NFXL1: variants seen among roughly 807,000 people sequenced by gnomAD.
NFXL1 encodes the protein nuclear transcription factor, X-box binding like 1, also known as NF-X1-type zinc finger protein NFXL1.
Under a neutral mutation model 123.3 loss-of-function variants are expected in NFXL1, and 66 were observed. The observed-to-expected ratio is 0.54, with a 90% CI of 0.44 to 0.66. NFXL1 has a LOEUF of 0.66. Among genes scored for constraint, NFXL1 ranks in the 30% least tolerant of loss-of-function variants. The pLI is 0.00. For synonymous variants in NFXL1, 346 were observed against 360.8 expected (o/e 0.96, Z 0.46); for missense variants, 944 against 1,125.6 (o/e 0.84, Z 2.31).
intron 11 of NFXL1, 42 bp from the exon 12 acceptor site, chr4:47,890,745 C>T (rs761540451): frequency 1.8e-6 from 2 of 1,139,462 alleles, no homozygotes; most frequent in Non-Finnish European, 2.7e-6. Context: ...AATTCAAAAA[C>T]CCATGAATAA....
chr4:47,878,469 G>GA (rs1735885655), intron 17 of NFXL1, 56 bp downstream of exon 17: 16 of 1,333,996 alleles, frequency 1.2e-5, no homozygotes, highest in Admixed American at 5.1e-5. Context: ...TATAACTGTT[G>GA]AAAAAACGTT....
intron 12 of NFXL1, among the ~76,000 whole-genome samples, chr4:47,889,682 A>G (rs537783394): frequency 2.1e-4 from 32 of 152,318 alleles, no homozygotes; most frequent in South Asian, 2.1e-3. Flanking sequence ...ACTGTATACC[A>G]TATCTCAGTA....
chr4:47,895,969 T>C (rs1399770680), intron 10 of NFXL1, among the ~76,000 whole-genome samples: 1 of 152,164 alleles, frequency 6.6e-6, no homozygotes, highest in Non-Finnish European at 1.5e-5. Flanking sequence ...TGGCCTAATT[T>C]CAATATTGTT....
rs190187555 is a variant in NFXL1, at chr4:47,864,722, G to A, written c.2247-1807C>T. Among the ~76,000 whole-genome samples, 86 of 152,314 alleles carry A rather than the reference G, an allele frequency of 5.6e-4. 1 individual carries two copies. The highest frequency in any genetic ancestry group is 3.5e-3 in the Admixed American group (53 of 15,304). ...AGCTGAACACAGAGGTTCCTGGAGGGTGGCATGCAAATGGTGGGGCAGGGG... is the reference window on the plus strand; with the variant it reads ...AGCTGAACACAGAGGTTCCTGGAGGATGGCATGCAAATGGTGGGGCAGGGG... On this transcript the variant is annotated intron_variant, in intron 18 of 22. Coordinates refer to ENST00000507489, the MANE Select transcript of NFXL1 (RefSeq NM_001278624.2).
At position 47,905,346 on chromosome 4, in the gene NFXL1, T is replaced by C. The variant is rs1422319215; in HGVS notation, c.407A>G (p.Asp136Gly). ...NTFITYTTQTDGDTRELERTK... is the reference protein window; with the variant it reads ...NTFITYTTQTGGDTRELERTK... ...TCGCTCTAATTCACGTGTATCTCCA[T>C]CTGGAAATTTAAAGATTGAAAATCT... The change falls in exon 4 of 23, where the codon GAT (aspartate) becomes GGT (glycine). Residue 136 changes from aspartate to glycine, a missense_variant and splice_region_variant. By Grantham distance (94) the Asp-to-Gly change is moderately conservative. This residue lies in a region of NFXL1 where 303 missense variants were observed against 292.1 expected (regional missense o/e 1.04). Coordinates refer to ENST00000507489, the MANE Select transcript of NFXL1 (RefSeq NM_001278624.2). The C allele has an allele frequency of 5.4e-6, 8 of 1,479,850 alleles. No individual in the cohort carries two copies. Among genetic ancestry groups the C allele is most frequent in the Admixed American group, 1.7e-5 (1 of 57,672 alleles). The allele number at this position is 1,479,850 out of a possible 1,614,324, so 91.7% of individuals were successfully genotyped here. A position where few individuals can be genotyped will look rare whatever the true frequency, so the allele number is the denominator to read the frequency against.
At chr4:47,851,765 G>T in intron 21 of NFXL1, 91 bp downstream of exon 21, 1 of 795,104 alleles carries the variant, frequency 1.3e-6, no homozygotes. Flanking sequence ...AAAAAAATGA[G>T]ATTTCAAGTT....
At position 47,914,058 on chromosome 4, in the gene NFXL1, G is replaced by C. The variant is rs2110114176; in HGVS notation, c.146C>G (p.Thr49Ser). 6.5e-7 allele frequency: 1 copy of C among 1,549,702 alleles called. No homozygotes were observed. The highest frequency in any genetic ancestry group is 1.4e-5 in the African/African-American group (1 of 73,068). The stretch of plus-strand genomic sequence containing the variant: ...CGTGGTCGCGACTCCTCCGGGACTG[G>C]TGCCAGAAGGAACTGCGCCCACCGA... ...KGSVGAVPSG[T>S]SPGGVATTAA... Residue 49 changes from threonine (T) to serine (S), a missense_variant, in exon 2 of 23, where the codon ACC becomes AGC. This residue lies in a region of NFXL1 where 303 missense variants were observed against 292.1 expected (regional missense o/e 1.04). Coordinates refer to ENST00000507489, the MANE Select transcript of NFXL1 (RefSeq NM_001278624.2).
At chr4:47,901,824 G>A (rs912071014) in intron 5 of NFXL1, among the ~76,000 whole-genome samples, 2 of 152,160 alleles carry the variant, frequency 1.3e-5, no homozygotes, top group African/African-American at 4.8e-5. Flanking sequence ...ATCTCTCACA[G>A]ATTGCTGAGA....
intron 3 of NFXL1, among the ~76,000 whole-genome samples, chr4:47,910,196 C>T (rs1052799436): frequency 2.6e-5 from 4 of 151,824 alleles, no homozygotes. Flanking sequence ...AAAAAAAGTA[C>T]GGCTAGGTGC....
chr4:47,875,901 C>T (rs1026846051), intron 17 of NFXL1, among the ~76,000 whole-genome samples: 3 of 152,106 alleles, frequency 2.0e-5, no homozygotes, highest in Non-Finnish European at 4.4e-5. Flanking sequence ...CCTCCCTTTT[C>T]TCTAGTGATT....
chr4:47,884,460 T>C, intron 14 of NFXL1, 23 bp from the exon 15 acceptor site: 2 of 1,453,784 alleles, frequency 1.4e-6, no homozygotes, highest in South Asian at 1.2e-5. Flanking sequence ...TACATAAGAA[T>C]TTTAAGTCAG....
chr4:47,893,774 T>C (rs1005053497), intron 11 of NFXL1, among the ~76,000 whole-genome samples: 1 of 152,140 alleles, frequency 6.6e-6, no homozygotes, highest in Non-Finnish European at 1.5e-5. Context: ...GTAAGTATGA[T>C]GATAAATATC....
chr4:47,877,334 A>G, intron 17 of NFXL1: 1 of 353,400 alleles, frequency 2.8e-6, no homozygotes, highest in South Asian at 2.2e-5. Flanking sequence ...AGACTATCTT[A>G]GTTAAGAAAT....
chr4:47,873,872 T>C (rs1251774523), intron 18 of NFXL1, among the ~76,000 whole-genome samples: 1 of 152,254 alleles, frequency 6.6e-6, no homozygotes, highest in Admixed American at 6.5e-5. Flanking sequence ...TCTGTTGTTT[T>C]GTGTAGCCAC....
intron 17 of NFXL1, 82 bp downstream of exon 17, chr4:47,878,443 A>G: frequency 8.9e-7 from 1 of 1,118,020 alleles, no homozygotes. Flanking sequence ...AAAGCAAAAC[A>G]GAAAAATATT....
intron 10 of NFXL1, among the ~76,000 whole-genome samples, chr4:47,895,243 T>C (rs1019022205): frequency 4.6e-5 from 7 of 152,056 alleles, no homozygotes; most frequent in Admixed American, 3.9e-4. Flanking sequence ...ATTCAAAAGA[T>C]CCCTAGGATT....
intron 9 of NFXL1, 81 bp from the exon 10 acceptor site, chr4:47,896,728 C>T (rs1737110581): frequency 5.7e-6 from 5 of 878,270 alleles, no homozygotes; most frequent in African/African-American, 3.3e-5. Context: ...TTCAGGCTCC[C>T]TAAGGAATGC....
intron 11 of NFXL1, among the ~76,000 whole-genome samples, chr4:47,893,938 T>C (rs958588428): frequency 2.7e-5 from 4 of 147,466 alleles, no homozygotes; most frequent in Admixed American, 2.0e-4. Context: ...TGATCAGAAA[T>C]ATCAAGCTGA....
intron 9 of NFXL1, among the ~76,000 whole-genome samples, 157 bp downstream of exon 9, chr4:47,897,810 T>C (rs570508986): frequency 1.3e-5 from 2 of 152,332 alleles, no homozygotes; most frequent in South Asian, 4.1e-4. Flanking sequence ...CTTTCCAGAA[T>C]GTCATATAGT....
Sources: gnomAD v4.1 joint callset for allele counts (sites outside exome capture counted in the v4.1 genomes callset) on GRCh38, gnomAD v4.1.1 for gene constraint, gnomAD v4.1.1 regional missense constraint, MANE v1.5 for transcripts, NCBI Gene and HGNC (gene_info 2026-07-23, HGNC 2026-07-21) for gene names.